The following EP400 variants were observed in gnomAD, a reference collection of about 807,000 sequenced individuals.
The protein encoded by EP400 is E1A binding protein p400, also known as E1A-binding protein p400.
In EP400, 105 loss-of-function variants were observed where a neutral mutation model predicts 354.1. The ratio of observed to expected loss-of-function variants is 0.30; its 90% CI spans 0.25 to 0.35. The LOEUF is 0.35. Among genes scored for constraint, EP400 ranks in the 10% least tolerant of loss-of-function variants. The probability of loss-of-function intolerance (pLI) is 1.00; values close to 1 mark genes in which losing one functional copy is unlikely to be tolerated. For synonymous variants in EP400, 1,646 were observed against 1,716.9 expected (o/e 0.96, Z 1.02); for missense variants, 3,280 against 4,121.0 (o/e 0.80, Z 5.59).
At chr12:131,967,089 TAAA>T (rs1056691183) in intron 2 of EP400, among the ~76,000 whole-genome samples, 2 of 150,956 alleles carry the variant, frequency 1.3e-5, no homozygotes, top group Non-Finnish European at 3.0e-5. Context: ...CTCAAAAAAA[TAAA>T]AAGGTGGCTA....
intron 1 of EP400, among the ~76,000 whole-genome samples, chr12:131,950,560 C>T (rs1891434989): frequency 6.6e-6 from 1 of 152,170 alleles, no homozygotes; most frequent in Non-Finnish European, 1.5e-5. Flanking sequence ...CGTCCCGGAA[C>T]GCGCCGCCAC....
In EP400 at chr12:132,064,752, C is replaced by T. The variant is rs775236686; in HGVS notation, c.8419C>T (p.Pro2807Ser). Residue 2807 changes from proline (P) to serine (S), a missense_variant, in exon 48 of 53, where the codon CCA (proline) becomes TCA (serine). Physicochemically the swap from Pro to Ser is moderately conservative, Grantham distance 74 (BLOSUM62 -1). Coordinates refer to ENST00000389561, the MANE Select transcript of EP400 (RefSeq NM_015409.5). ...PPQAQSAPPQ[P>S]TAQVQVQTSQ... is the part of the protein sequence containing the mutation. The stretch of plus-strand genomic sequence containing the variant: ...ACAGGCCCAGTCTGCGCCCCCGCAG[C>T]CAACAGCCCAAGTGCAAGTGCAGAC... 3.1e-6 allele frequency: 5 copies of T among 1,613,674 alleles called. No homozygotes were observed. The highest frequency in any genetic ancestry group is 4.2e-6 in the Non-Finnish European group (5 of 1,179,952).
intron 43 of EP400, 148 bp downstream of exon 43, chr12:132,053,745 A>G: frequency 2.1e-6 from 2 of 931,642 alleles, no homozygotes; most frequent in Non-Finnish European, 3.0e-6. Flanking sequence ...AAATGGGAAA[A>G]GGCTTAGTCT....
rs780357332 is a variant in EP400 at position 132,011,531 on chromosome 12, G to A, written c.3338G>A (p.Ser1113Asn). 50 of 1,613,926 alleles carry A rather than the reference G, an allele frequency of 3.1e-5. No homozygotes were observed. Among genetic ancestry groups the A allele is most frequent in the Non-Finnish European group, 4.2e-5 (50 of 1,179,980 alleles). The change falls in exon 16 of 53, where the codon AGT becomes AAT. Residue 1113 changes from serine to asparagine, a missense_variant. This residue lies in a region of EP400 where 242 missense variants were observed against 357.9 expected (regional missense o/e 0.68). Coordinates refer to ENST00000389561, the MANE Select transcript of EP400 (RefSeq NM_015409.5). ...GGCCCCCATCTTGTTGTTGTGAGAA[G>A]TTGTAACATACTCAAGTGGGAGCTT... is the stretch of plus-strand genomic sequence containing the variant. ...NWGPHLVVVR[S>N]CNILKWELEL... is the part of the protein sequence containing the mutation.
At chr12:132,065,878 T>A (rs1895875109) in intron 48 of EP400, 1 of 152,246 alleles carries the variant, frequency 6.6e-6, no homozygotes, top group African/African-American at 2.4e-5. Context: ...AGTGGCCTCT[T>A]TTTGGAGAGG....
chr12:132,066,696 C>A, intron 48 of EP400, 78 bp from the exon 49 acceptor site: 1 of 1,420,944 alleles, frequency 7.0e-7, no homozygotes, highest in Non-Finnish European at 9.6e-7. Flanking sequence ...CATGGCATGA[C>A]CTCTTGTGGA....
In EP400 at chr12:132,050,013, G is replaced by A. The variant is rs117066809; in HGVS notation, c.7201-310G>A. On this transcript the variant is annotated intron_variant, in intron 39 of 52. Coordinates refer to ENST00000389561, the MANE Select transcript of EP400 (RefSeq NM_015409.5). The surrounding 1 kb of genome is among the most constrained non-coding windows in gnomAD (Gnocchi z 4.8). ...CCCGCTCCACACAGTCACCTGCCATGTGACCTTGGGCACTTTGCACACCTG... is the reference window on the plus strand; with the variant it reads ...CCCGCTCCACACAGTCACCTGCCATATGACCTTGGGCACTTTGCACACCTG... 6.2e-4 allele frequency among the ~76,000 whole-genome samples: 94 copies of A among 152,360 alleles called. 1 individual carries two copies. The East Asian group carries it at 0.011, about 18-fold the overall frequency.
intron 15 of EP400, among the ~76,000 whole-genome samples, chr12:132,008,652 C>G (rs1257574165): frequency 2.0e-5 from 3 of 151,380 alleles, no homozygotes; most frequent in Admixed American, 6.6e-5. Flanking sequence ...GCACCCTTGG[C>G]TCACTGCACG....
intron 2 of EP400, 45 bp from the exon 3 acceptor site, chr12:131,979,649 T>C: frequency 6.5e-7 from 1 of 1,530,534 alleles, no homozygotes; most frequent in Non-Finnish European, 8.8e-7. Context: ...ATTCTTGTAA[T>C]GGCCTTCAGT....
At chr12:132,032,255 G>T in intron 30 of EP400, 106 bp downstream of exon 30, 2 of 1,307,314 alleles carry the variant, frequency 1.5e-6, no homozygotes, top group Non-Finnish European at 2.1e-6. Flanking sequence ...GAGAAGCTTT[G>T]CAGGAGATAT....
In EP400 at chr12:131,994,748, C is replaced by A; in HGVS notation, c.2738-119C>A. 1.4e-6 allele frequency: 1 copy of A among 736,920 alleles called. No homozygotes were observed. The highest frequency in any genetic ancestry group is 1.8e-5 in the African/African-American group (1 of 55,098). The allele number at this position is 736,920 out of a possible 1,614,324, so 45.6% of individuals were successfully genotyped here. A position where few individuals can be genotyped will look rare whatever the true frequency, so the allele number is the denominator to read the frequency against. On this transcript the variant is annotated intron_variant, in intron 11 of 52. Coordinates refer to ENST00000389561, the MANE Select transcript of EP400 (RefSeq NM_015409.5). The surrounding 1 kb of genome is among the most constrained non-coding windows in gnomAD (Gnocchi z 4.6). Reference sequence around the variant, plus strand: ...AAATTTAACCTGAGAAGTTTAAAAGCTCAGTTTCAATTTCTGTAATAGCTA... The same window carrying A: ...AAATTTAACCTGAGAAGTTTAAAAGATCAGTTTCAATTTCTGTAATAGCTA...
At chr12:131,976,034 C>T (rs994596694) in intron 2 of EP400, among the ~76,000 whole-genome samples, 1 of 152,158 alleles carries the variant, frequency 6.6e-6, no homozygotes, top group Admixed American at 6.5e-5. Flanking sequence ...GATGTTACGC[C>T]TATCCAATGA....
intron 5 of EP400, among the ~76,000 whole-genome samples, chr12:131,984,431 T>TG (rs1359762915): frequency 6.6e-5 from 10 of 152,046 alleles, no homozygotes; most frequent in Non-Finnish European, 8.8e-5. Flanking sequence ...AGCCAGCAAC[T>TG]GGGGGGGCTG....
rs765273629 is a variant in EP400 at position 132,067,450 on chromosome 12, C to G, written c.8838C>G (p.Pro2946=). 1.4e-5 allele frequency: 23 copies of G among 1,613,218 alleles called. No homozygotes were observed. Among genetic ancestry groups the G allele is most frequent in the Non-Finnish European group, 1.8e-5 (21 of 1,180,024 alleles). Reference sequence around the variant, plus strand: ...TCCAGCAGCAGAAGGCCATCCAGCCCCAGGCTGCACAGGGCCCGGCAGCCG... The same window carrying G: ...TCCAGCAGCAGAAGGCCATCCAGCCGCAGGCTGCACAGGGCCCGGCAGCCG... ...QAVQQQKAIQ[P]QAAQGPAAVQ... Residue 2946 remains proline (P), a synonymous_variant, in exon 50 of 53, where the codon CCC becomes CCG. Coordinates refer to ENST00000389561, the MANE Select transcript of EP400 (RefSeq NM_015409.5). The surrounding 1 kb of genome is among the most constrained non-coding windows in gnomAD (Gnocchi z 5.3).
Position 132,054,249 on chromosome 12 carries a change from G to A in EP400, c.7728+652G>A, listed in dbSNP as rs1371145167. On this transcript the variant is annotated intron_variant, in intron 43 of 52. Coordinates refer to ENST00000389561, the MANE Select transcript of EP400 (RefSeq NM_015409.5). This position sits in a 1 kb window ranked among gnomAD's most constrained non-coding sequence, Gnocchi z 4.0. ...ACCCACACTTTGGACTACCAGGCAG[G>A]CATAAAAATATTTTTGTTACATAGA... 6.6e-6 allele frequency among the ~76,000 whole-genome samples: 1 copy of A among 152,216 alleles called. No individual in the cohort carries two copies. Among genetic ancestry groups the A allele is most frequent in the East Asian group, 1.9e-4 (1 of 5,196 alleles).
Position 132,067,491 on chromosome 12 carries a change from CG to C in EP400, c.8874+9del, listed in dbSNP as rs760138945. On this transcript the variant is annotated splice_donor_region_variant and intron_variant, in intron 50 of 52. Coordinates refer to ENST00000389561, the MANE Select transcript of EP400 (RefSeq NM_015409.5). This position sits in a 1 kb window ranked among gnomAD's most constrained non-coding sequence, Gnocchi z 5.3. ...CCGGCAGCCGTCCAGCAGAAGGTAC[CG>C]GGGCTAGGGGATTCTCACTTCTGGG... The C allele has an allele frequency of 6.2e-7, 1 of 1,611,510 alleles. No homozygotes were observed. The highest frequency in any genetic ancestry group is 1.1e-5 in the South Asian group (1 of 91,006).
intron 1 of EP400, among the ~76,000 whole-genome samples, chr12:131,955,515 C>T (rs1285194964): frequency 6.6e-6 from 1 of 152,204 alleles, no homozygotes; most frequent in Non-Finnish European, 1.5e-5. Flanking sequence ...CTCCGGACCT[C>T]AGGTGATCCA....
chr12:131,965,452 T>C (rs1157899282), intron 2 of EP400, among the ~76,000 whole-genome samples: 1 of 152,248 alleles, frequency 6.6e-6, no homozygotes, highest in African/African-American at 2.4e-5. Flanking sequence ...CAGTAGGCTG[T>C]AATATATCAC....
At chr12:131,971,903 A>G (rs1337201081) in intron 2 of EP400, among the ~76,000 whole-genome samples, 4 of 152,234 alleles carry the variant, frequency 2.6e-5, no homozygotes, top group East Asian at 1.9e-4. Flanking sequence ...TTTAAATTCT[A>G]TGATTAATTT....
Sources: gnomAD v4.1 joint callset for allele counts (sites outside exome capture counted in the v4.1 genomes callset) on GRCh38, gnomAD v4.1.1 for gene constraint, gnomAD v4.1.1 regional missense constraint, Gnocchi (gnomAD v3.1) non-coding constraint, MANE v1.5 for transcripts, NCBI Gene and HGNC (gene_info 2026-07-23, HGNC 2026-07-21) for gene names.